Variants in DCUN1D2 observed in about 807,000 individuals in gnomAD.
DCUN1D2 encodes DCN1-like protein 2.
DCUN1D2 carries 29 observed loss-of-function variants against 30.9 expected under a neutral mutation model. That is an observed-to-expected ratio of 0.94 (90% CI 0.70 to 1.28). The LOEUF is 1.28. DCUN1D2 is among the 50% of genes most tolerant of loss of function. DCUN1D2 has a pLI of 0.00. For missense variants in DCUN1D2, 325 were observed against 316.9 expected (o/e 1.03, Z -0.19); for synonymous variants, 121 against 115.3 (o/e 1.05, Z -0.32).
At chr13:113,481,899 T>C (rs1356580508) in intron 2 of DCUN1D2, among the ~76,000 whole-genome samples, 3 of 146,210 alleles carry the variant, frequency 2.1e-5, no homozygotes, top group African/African-American at 7.7e-5. Context: ...GGTAACAAAA[T>C]GAAGAAAGCC....
rs906802214 is a variant in DCUN1D2 at position 113,488,564 on chromosome 13, G to A, written c.3+2103C>T. On this transcript the variant is annotated intron_variant, in intron 1 of 6. Coordinates refer to ENST00000478244, the MANE Select transcript of DCUN1D2 (RefSeq NM_001014283.2). This position sits in a 1 kb window ranked among gnomAD's most constrained non-coding sequence, Gnocchi z 4.3. ...ACTAAAAAACTACAGGGGAGAGAAG[G>A]AAGCCGAGTCCCTCTAGACAGGACT... Among the ~76,000 whole-genome samples, 1 of 152,194 alleles carries A rather than the reference G, an allele frequency of 6.6e-6. No homozygotes were observed. The highest frequency in any genetic ancestry group is 2.4e-5 in the African/African-American group (1 of 41,432).
intron 3 of DCUN1D2, among the ~76,000 whole-genome samples, chr13:113,479,992 A>G (rs1257772909): frequency 6.6e-6 from 1 of 152,226 alleles, no homozygotes; most frequent in Non-Finnish European, 1.5e-5. Flanking sequence ...CCACTGTTGT[A>G]TAAGCGGTCC....
chr13:113,471,293 A>G (rs1410114156), intron 4 of DCUN1D2, among the ~76,000 whole-genome samples: 3 of 142,084 alleles, frequency 2.1e-5, no homozygotes, highest in Admixed American at 1.4e-4. Context: ...AACTCCACAG[A>G]AGACACAACT....
intron 3 of DCUN1D2, chr13:113,475,394 G>T (rs911845175): frequency 6.6e-6 from 1 of 152,286 alleles, no homozygotes; most frequent in Non-Finnish European, 1.5e-5. Context: ...TGCTGAACAG[G>T]TTCACGGCCT....
rs575062466 is a variant in DCUN1D2, at chr13:113,461,070, C to G, written c.587G>C (p.Trp196Ser). The change falls in exon 5 of 7, where the codon TGG becomes TCG. Residue 196 changes from tryptophan to serine, a missense_variant. Transcript: ENST00000478244. ...GACACTTACCATTAAGAATGTGTTC[C>G]AGAGATCTAAAAATTTAAACCTTCC... ...LSGRFKFLDLWNTFLMEHHKR... is the reference protein window; with the variant it reads ...LSGRFKFLDLSNTFLMEHHKR... The G allele has an allele frequency of 5.6e-6, 9 of 1,608,424 alleles. No individual in the cohort carries two copies. The highest frequency in any genetic ancestry group is 1.7e-5 in the Admixed American group (1 of 59,754).
intron 2 of DCUN1D2, among the ~76,000 whole-genome samples, chr13:113,481,569 C>G (rs2044707595): frequency 6.6e-6 from 1 of 152,190 alleles, no homozygotes; most frequent in South Asian, 2.1e-4. Flanking sequence ...TAGTATACTA[C>G]CACATATATA....
intron 5 of DCUN1D2, chr13:113,459,683 A>G: frequency 3.6e-6 from 1 of 275,836 alleles, no homozygotes; most frequent in Middle Eastern, 1.1e-3. Flanking sequence ...GCAGCATTTT[A>G]ATCTCGTTAC....
chr13:113,468,686 C>T (rs1013247750), intron 4 of DCUN1D2, among the ~76,000 whole-genome samples: 3 of 149,230 alleles, frequency 2.0e-5, no homozygotes, highest in East Asian at 4.0e-4. Flanking sequence ...ACAGGCGGGG[C>T]GGAGGCAGCA....
At chr13:113,479,234 C>G (rs2044667025) in intron 3 of DCUN1D2, among the ~76,000 whole-genome samples, 1 of 152,120 alleles carries the variant, frequency 6.6e-6, no homozygotes, top group African/African-American at 2.4e-5. Flanking sequence ...GTGAAAATTC[C>G]TCACTTTGAT....
chr13:113,462,570 C>A (rs1450272243), intron 4 of DCUN1D2, among the ~76,000 whole-genome samples: 1 of 152,046 alleles, frequency 6.6e-6, no homozygotes, highest in Non-Finnish European at 1.5e-5. Flanking sequence ...AAGAAAGAGG[C>A]ATATGAGTAG....
At chr13:113,472,092 T>A (rs1382325769) in intron 4 of DCUN1D2, among the ~76,000 whole-genome samples, 1 of 151,444 alleles carries the variant, frequency 6.6e-6, no homozygotes, top group Non-Finnish European at 1.5e-5. Context: ...ACAGCATTCG[T>A]TTCGTCACTC....
At chr13:113,485,814 T>A (rs948777293) in intron 1 of DCUN1D2, among the ~76,000 whole-genome samples, 7 of 152,080 alleles carry the variant, frequency 4.6e-5, no homozygotes, top group Non-Finnish European at 7.4e-5. Context: ...CCCACAGAAC[T>A]ACCTTCCCGA....
At chr13:113,462,828 T>C (rs778949985) in intron 4 of DCUN1D2, 6 of 1,221,612 alleles carry the variant, frequency 4.9e-6, no homozygotes, top group African/African-American at 4.8e-5. Flanking sequence ...AGAACATTAA[T>C]TGAAATCTAT....
chr13:113,483,267 T>A (rs2044741251), intron 2 of DCUN1D2, among the ~76,000 whole-genome samples: 1 of 152,172 alleles, frequency 6.6e-6, no homozygotes, highest in East Asian at 1.9e-4. Flanking sequence ...ATCCAAGCAC[T>A]GATGTCAATA....
intron 5 of DCUN1D2, among the ~76,000 whole-genome samples, chr13:113,460,451 C>T (rs1933743238): frequency 6.6e-6 from 1 of 152,242 alleles, no homozygotes; most frequent in African/African-American, 2.4e-5. Context: ...TGGCCACTCA[C>T]TTCCAAAAAC....
At chr13:113,475,924 C>T (rs1037014807) in intron 3 of DCUN1D2, 11 of 152,262 alleles carry the variant, frequency 7.2e-5, no homozygotes, top group African/African-American at 2.4e-4. Context: ...TGTGCCCCAC[C>T]GCCTACTGGA....
At chr13:113,464,692 G>A (rs1372828441) in intron 4 of DCUN1D2, among the ~76,000 whole-genome samples, 1 of 152,260 alleles carries the variant, frequency 6.6e-6, no homozygotes, top group African/African-American at 2.4e-5. Flanking sequence ...TGGGGCAGCT[G>A]GAGGCAGGTG....
intron 1 of DCUN1D2, among the ~76,000 whole-genome samples, chr13:113,486,325 C>A (rs76913319): frequency 0.024 from 3,720 of 152,172 alleles, 154 homozygotes; most frequent in African/African-American, 0.084. Flanking sequence ...CAAAAAAGGA[C>A]CAACAGACAC....
At chr13:113,489,255 T>A (rs1257803348) in intron 1 of DCUN1D2, 2 of 593,228 alleles carry the variant, frequency 3.4e-6, no homozygotes, top group Non-Finnish European at 2.1e-6. Flanking sequence ...TCCAGCATCC[T>A]GAACATGTTC....
Sources: allele counts gnomAD v4.1 joint callset (sites outside exome capture counted in the v4.1 genomes callset), GRCh38; gene constraint gnomAD v4.1.1; non-coding constraint Gnocchi (gnomAD v3.1); transcripts MANE v1.5; gene names NCBI Gene and HGNC (gene_info 2026-07-23, HGNC 2026-07-21).